TMTC2: variants seen among roughly 807,000 people sequenced by gnomAD.
TMTC2 encodes the protein transmembrane O-mannosyltransferase targeting cadherins 2.
A neutral mutation model predicts 82.4 loss-of-function variants in TMTC2; 43 were observed. The ratio of observed to expected loss-of-function variants is 0.52; its 90% confidence interval spans 0.41 to 0.67. The LOEUF (loss-of-function observed/expected upper bound fraction) is 0.67, where lower values mean the gene tolerates loss of function less well. TMTC2 is among the 30% of genes least tolerant of loss of function. The pLI, the probability that TMTC2 is intolerant of heterozygous loss-of-function variation, is 0.00. For missense variants in TMTC2, 919 were observed against 1,012.4 expected (o/e 0.91, Z 1.25); for synonymous variants, 408 against 381.9 (o/e 1.07, Z -0.80).
intron 7 of TMTC2, among the ~76,000 whole-genome samples, chr12:82,982,178 C>T (rs1878946851): frequency 6.6e-6 from 1 of 151,706 alleles, no homozygotes; most frequent in Non-Finnish European, 1.5e-5. Context: ...ATATGGCAGG[C>T]AGCTTGATGC....
chr12:82,757,216 T>C (rs1005891406), intron 1 of TMTC2, among the ~76,000 whole-genome samples: 1 of 152,216 alleles, frequency 6.6e-6, no homozygotes, highest in Non-Finnish European at 1.5e-5. Context: ...GAGAGCCTCC[T>C]CCAGAGATCT....
intron 8 of TMTC2, among the ~76,000 whole-genome samples, chr12:83,010,296 T>C (rs1880397225): frequency 6.6e-6 from 1 of 152,216 alleles, no homozygotes; most frequent in Non-Finnish European, 1.5e-5. Flanking sequence ...TTGTTTATCT[T>C]GTCTGAGTTC....
At chr12:83,049,835 A>C (rs964446517) in intron 9 of TMTC2, among the ~76,000 whole-genome samples, 1 of 151,964 alleles carries the variant, frequency 6.6e-6, no homozygotes, top group Non-Finnish European at 1.5e-5. Context: ...TTATTTTTTG[A>C]CTTTTTAATA....
intron 2 of TMTC2, among the ~76,000 whole-genome samples, chr12:82,872,008 C>T (rs573702658): frequency 3.1e-5 from 3 of 96,660 alleles, no homozygotes; most frequent in African/African-American, 1.6e-4. Context: ...GAACAACACC[C>T]CCCCCCCCGC....
At chr12:83,074,918 C>T (rs1293364198) in intron 11 of TMTC2, among the ~76,000 whole-genome samples, 1 of 152,160 alleles carries the variant, frequency 6.6e-6, no homozygotes, top group East Asian at 1.9e-4. Context: ...CAGGTAGTTA[C>T]AAAGTTCAGC....
At chr12:83,016,691 CAT>C (rs1880695039) in intron 8 of TMTC2, among the ~76,000 whole-genome samples, 1 of 152,114 alleles carries the variant, frequency 6.6e-6, no homozygotes. Context: ...TGTTAAATAA[CAT>C]AATGATTCCT....
chr12:82,728,010 C>T (rs955090884), intron 1 of TMTC2, among the ~76,000 whole-genome samples: 2 of 152,100 alleles, frequency 1.3e-5, no homozygotes, highest in African/African-American at 4.8e-5. Context: ...TCCCTTACAT[C>T]GTGGCAGAGC....
chr12:82,784,156 T>C lies in TMTC2; in HGVS notation c.84-72854T>C, dbSNP rs373074192. ...ATTTAAAAATATACACAAATAATAC[T>C]TGAATAGTATATTTTGAATATTGTA... On this transcript the variant is annotated intron_variant, in intron 1 of 11. Transcript: ENST00000321196. 8.5e-3 allele frequency among the ~76,000 whole-genome samples: 1,300 copies of C among 152,062 alleles called. 21 individuals carry two copies. Among genetic ancestry groups the C allele is most frequent in the Middle Eastern group, 0.034 (10 of 294 alleles).
chr12:82,906,891 A>G (rs1874343910), intron 3 of TMTC2, among the ~76,000 whole-genome samples: 1 of 152,154 alleles, frequency 6.6e-6, no homozygotes, highest in African/African-American at 2.4e-5. Context: ...GACAAATAGC[A>G]GGAAGTTAAA....
intron 7 of TMTC2, among the ~76,000 whole-genome samples, chr12:82,981,661 A>G (rs937378650): frequency 2.6e-5 from 4 of 151,844 alleles, no homozygotes; most frequent in African/African-American, 9.7e-5. Context: ...GTTTTTTTCT[A>G]TTATTGTAAG....
At chr12:82,909,216 C>T (rs1034735133) in intron 3 of TMTC2, among the ~76,000 whole-genome samples, 4 of 152,100 alleles carry the variant, frequency 2.6e-5, no homozygotes, top group African/African-American at 9.7e-5. Context: ...TGCAGTGTGA[C>T]CTCCTGCATG....
chr12:82,851,120 T>C (rs1870953976), intron 1 of TMTC2, among the ~76,000 whole-genome samples: 1 of 151,236 alleles, frequency 6.6e-6, no homozygotes, highest in South Asian at 2.1e-4. Flanking sequence ...TTGTTTGGTG[T>C]TGATGATGAT....
At chr12:82,801,367 A>T (rs890363827) in intron 1 of TMTC2, among the ~76,000 whole-genome samples, 1 of 152,130 alleles carries the variant, frequency 6.6e-6, no homozygotes, top group African/African-American at 2.4e-5. Context: ...CCAAAGAGTG[A>T]GCAGCAGCAA....
At chr12:82,950,490 A>G (rs1877289934) in intron 4 of TMTC2, among the ~76,000 whole-genome samples, 1 of 152,228 alleles carries the variant, frequency 6.6e-6, no homozygotes, top group Non-Finnish European at 1.5e-5. Flanking sequence ...AACTAGCTGC[A>G]TAGACTTAAG....
At chr12:83,022,016 C>T (rs557025164) in intron 8 of TMTC2, 1 of 151,928 alleles carries the variant, frequency 6.6e-6, no homozygotes, top group Non-Finnish European at 1.5e-5. Context: ...GCTGTTCAAC[C>T]CTTTCTTGGT....
Position 82,765,185 on chromosome 12 carries a change from C to T in TMTC2, c.83+77516C>T, listed in dbSNP as rs1460654902. On this transcript the variant is annotated intron_variant, in intron 1 of 11. Coordinates refer to ENST00000321196, the MANE Select transcript of TMTC2 (RefSeq NM_152588.3). ...TGCGCGACCCAGTTCTCGAGCTTGA[C>T]ATTTCCCTTTGGCTTAATGAGTTTG... Among the ~76,000 whole-genome samples the T allele has an allele frequency of 3.3e-5, 5 of 152,190 alleles. No individual in the cohort carries two copies. In the East Asian group the frequency reaches 9.6e-4, roughly 29 times the overall value.
intron 8 of TMTC2, among the ~76,000 whole-genome samples, chr12:82,990,411 G>A (rs984346283): frequency 6.6e-6 from 1 of 152,024 alleles, no homozygotes; most frequent in Non-Finnish European, 1.5e-5. Context: ...AAGTTCAAAC[G>A]GATTTAAGGT....
At chr12:82,970,200 A>G (rs1592665299) in intron 7 of TMTC2, among the ~76,000 whole-genome samples, 1 of 152,244 alleles carries the variant, frequency 6.6e-6, no homozygotes, top group African/African-American at 2.4e-5. Flanking sequence ...TCCCTTTTAT[A>G]AGATTTTGGT....
intron 9 of TMTC2, among the ~76,000 whole-genome samples, chr12:83,047,448 T>C (rs541752334): frequency 7.9e-5 from 12 of 152,332 alleles, no homozygotes; most frequent in African/African-American, 2.9e-4. Flanking sequence ...AGAATAATAA[T>C]TTACTTTCAC....
Sources: gnomAD v4.1 joint callset for allele counts (sites outside exome capture counted in the v4.1 genomes callset) on GRCh38, gnomAD v4.1.1 for gene constraint, MANE v1.5 for transcripts, NCBI Gene and HGNC (gene_info 2026-07-23, HGNC 2026-07-21) for gene names.